CCSER1: variants seen among roughly 807,000 people sequenced by gnomAD.
The protein encoded by CCSER1 is serine-rich coiled-coil domain-containing protein 1.
CCSER1 carries 41 observed loss-of-function variants against 82.0 expected under a neutral mutation model. The observed-to-expected ratio is 0.50, with a 90% CI of 0.39 to 0.65. The LOEUF is 0.65. Ranked by LOEUF, CCSER1 falls within the 30% of genes least tolerant of loss-of-function variation. CCSER1 has a pLI of 0.00. For synonymous variants in CCSER1, 414 were observed against 383.9 expected, an observed-to-expected ratio of 1.08 and a Z score of -0.92; for missense variants, 1,119 against 1,064.2, an observed-to-expected ratio of 1.05 and a Z score of -0.72.
intron 5 of CCSER1, among the ~76,000 whole-genome samples, chr4:90,618,840 A>T (rs530265909): frequency 5.5e-4 from 83 of 151,940 alleles, no homozygotes; most frequent in African/African-American, 1.7e-3. Flanking sequence ...TTTGTGACTT[A>T]AAAAAAGCCT....
At chr4:91,221,896 C>T (rs72875125) in intron 10 of CCSER1, among the ~76,000 whole-genome samples, 8,797 of 151,800 alleles carry the variant, frequency 0.058, 499 homozygotes, top group African/African-American at 0.15. Context: ...CAAATTATGG[C>T]AAAAACATAT....
chr4:91,438,227 A>AC (rs1268511037), intron 10 of CCSER1, among the ~76,000 whole-genome samples: 2 of 152,006 alleles, frequency 1.3e-5, no homozygotes, highest in South Asian at 2.1e-4. Context: ...ACTGGGAGGC[A>AC]CCCCCCAGTA....
chr4:91,474,784 T>A (rs1007455248), intron 10 of CCSER1, among the ~76,000 whole-genome samples: 4 of 56,984 alleles, frequency 7.0e-5, no homozygotes, highest in African/African-American at 1.3e-4. Context: ...TATATATATT[T>A]GTGTATATAT....
intron 10 of CCSER1, among the ~76,000 whole-genome samples, chr4:91,216,653 G>C (rs1419637783): frequency 2.0e-5 from 3 of 152,136 alleles, no homozygotes; most frequent in African/African-American, 7.2e-5. Flanking sequence ...TTATGTTTAA[G>C]AGACTTTCCC....
At chr4:90,482,139 A>C (rs907732008) in intron 5 of CCSER1, among the ~76,000 whole-genome samples, 3 of 151,876 alleles carry the variant, frequency 2.0e-5, no homozygotes, top group African/African-American at 7.3e-5. Context: ...TTTCTTCTAG[A>C]TTTTCTAGTT....
chr4:91,018,248 A>G (rs747716887), intron 9 of CCSER1, among the ~76,000 whole-genome samples: 19 of 152,146 alleles, frequency 1.2e-4, no homozygotes, highest in Non-Finnish European at 2.6e-4. Context: ...AAACAAAACT[A>G]CACTTTCTCT....
intron 10 of CCSER1, among the ~76,000 whole-genome samples, chr4:91,123,696 C>T (rs1468183779): frequency 6.6e-6 from 1 of 151,710 alleles, no homozygotes; most frequent in Non-Finnish European, 1.5e-5. Context: ...CTATGTGATA[C>T]CCATAATTCT....
intron 9 of CCSER1, among the ~76,000 whole-genome samples, chr4:90,957,915 A>G (rs1733689347): frequency 6.6e-6 from 1 of 151,756 alleles, no homozygotes; most frequent in Non-Finnish European, 1.5e-5. Context: ...TCCTAATTCA[A>G]ACTTACACCT....
At chr4:90,707,782 G>A (rs1472967829) in intron 6 of CCSER1, among the ~76,000 whole-genome samples, 1 of 151,936 alleles carries the variant, frequency 6.6e-6, no homozygotes, top group Non-Finnish European at 1.5e-5. Context: ...AAGGAGGTAG[G>A]GATCATTTGT....
intron 4 of CCSER1, among the ~76,000 whole-genome samples, chr4:90,459,633 A>C (rs763400521): frequency 6.6e-6 from 1 of 152,052 alleles, no homozygotes; most frequent in African/African-American, 2.4e-5. Context: ...TTTTTCCACT[A>C]TGTCTGCCTG....
At chr4:90,894,348 A>G (rs1561318679) in intron 8 of CCSER1, among the ~76,000 whole-genome samples, 1 of 152,072 alleles carries the variant, frequency 6.6e-6, no homozygotes, top group Non-Finnish European at 1.5e-5. Flanking sequence ...AGTCAAAGGA[A>G]ATAGTTGATC....
intron 4 of CCSER1, among the ~76,000 whole-genome samples, chr4:90,451,385 C>G: frequency 6.6e-6 from 1 of 152,156 alleles, no homozygotes; most frequent in East Asian, 1.9e-4. Flanking sequence ...AGGTAGACTC[C>G]CATCCTTTGG....
At chr4:91,102,025 C>A (rs1199518494) in intron 10 of CCSER1, among the ~76,000 whole-genome samples, 2 of 134,378 alleles carry the variant, frequency 1.5e-5, no homozygotes, top group African/African-American at 5.1e-5. Context: ...GTCAGACAGA[C>A]CCCTGAATGG....
At chr4:91,162,126 A>G (rs1298751037) in intron 10 of CCSER1, among the ~76,000 whole-genome samples, 2 of 152,150 alleles carry the variant, frequency 1.3e-5, no homozygotes, top group African/African-American at 4.8e-5. Flanking sequence ...GTTTATTGAG[A>G]GTTTTTAGCA....
chr4:90,564,424 A>C (rs886755975), intron 5 of CCSER1, among the ~76,000 whole-genome samples: 2 of 152,162 alleles, frequency 1.3e-5, no homozygotes, highest in African/African-American at 2.4e-5. Flanking sequence ...CTGGATATTA[A>C]CCATTTATCA....
At chr4:90,442,897 A>G (rs1760105754) in intron 4 of CCSER1, among the ~76,000 whole-genome samples, 1 of 152,112 alleles carries the variant, frequency 6.6e-6, no homozygotes, top group Non-Finnish European at 1.5e-5. Flanking sequence ...ATTGCTGCAC[A>G]AGGTCTCAGT....
chr4:90,393,286 T>G (rs1389267258), intron 3 of CCSER1, among the ~76,000 whole-genome samples: 1 of 152,148 alleles, frequency 6.6e-6, no homozygotes, highest in Non-Finnish European at 1.5e-5. Context: ...CACAGGGAAG[T>G]TTGACTGAGG....
At chr4:90,154,532 G>C (rs1157092025) in intron 1 of CCSER1, among the ~76,000 whole-genome samples, 1 of 150,292 alleles carries the variant, frequency 6.7e-6, no homozygotes, top group African/African-American at 2.4e-5. Flanking sequence ...TCTTCCATTT[G>C]TTTGTATCCT....
chr4:90,600,091 C>A (rs1010839158), intron 5 of CCSER1, among the ~76,000 whole-genome samples: 5 of 152,124 alleles, frequency 3.3e-5, no homozygotes, highest in Admixed American at 1.3e-4. Flanking sequence ...GTATAGATAA[C>A]ACACACTGTA....
Sources: allele counts gnomAD v4.1 joint callset (sites outside exome capture counted in the v4.1 genomes callset), GRCh38; gene constraint gnomAD v4.1.1; transcripts MANE v1.5; gene names NCBI Gene and HGNC (gene_info 2026-07-23, HGNC 2026-07-21).